Variants in ANK3 observed in about 807,000 individuals in gnomAD.
ANK3 encodes ankyrin 3.
Under a neutral mutation model 370.9 loss-of-function variants are expected in ANK3, and 57 were observed. The ratio of observed to expected loss-of-function variants is 0.15; its 90% confidence interval spans 0.12 to 0.19. The LOEUF (loss-of-function observed/expected upper bound fraction) is 0.19, where lower values mean the gene tolerates loss of function less well. ANK3 is among the 10% of genes least tolerant of loss of function. The pLI is 1.00. For synonymous variants in ANK3, 1,929 were observed against 1,946.3 expected (o/e 0.99, Z 0.23); for missense variants, 4,439 against 5,302.1 (o/e 0.84, Z 5.06).
intron 28 of ANK3, among the ~76,000 whole-genome samples, chr10:60,102,717 T>C (rs1292742559): frequency 1.3e-5 from 2 of 152,228 alleles, no homozygotes; most frequent in Non-Finnish European, 2.9e-5. Flanking sequence ...TTTGCTAAGA[T>C]GATTTTTAAA....
intron 1 of ANK3, among the ~76,000 whole-genome samples, chr10:60,370,837 C>A (rs1028974123): frequency 6.6e-6 from 1 of 152,118 alleles, no homozygotes; most frequent in Non-Finnish European, 1.5e-5. Context: ...AAAACTCAAG[C>A]TAAACATCAA....
chr10:60,335,532 C>T (rs947415292), intron 1 of ANK3, among the ~76,000 whole-genome samples: 1 of 152,076 alleles, frequency 6.6e-6, no homozygotes, highest in Non-Finnish European at 1.5e-5. Context: ...TAAATTGCAG[C>T]CTTTACAAAC....
chr10:60,480,874 AG>A (rs1460863369), intron 2 of ANK3, among the ~76,000 whole-genome samples: 1 of 152,190 alleles, frequency 6.6e-6, no homozygotes, highest in Non-Finnish European at 1.5e-5. Flanking sequence ...TGCTAACAAA[AG>A]TTTTGGATCC....
intron 11 of ANK3, among the ~76,000 whole-genome samples, 191 bp from the exon 12 acceptor site, chr10:60,203,291 T>C (rs530579597): frequency 2.0e-5 from 3 of 152,342 alleles, no homozygotes; most frequent in African/African-American, 7.2e-5. Context: ...ATCGTTTTCC[T>C]AAAGCAAATT....
chr10:60,509,898 A>G (rs971596364), intron 2 of ANK3, among the ~76,000 whole-genome samples: 6 of 152,110 alleles, frequency 3.9e-5, no homozygotes, highest in African/African-American at 1.4e-4. Flanking sequence ...GATAATACAC[A>G]TAACATAACC....
At chr10:60,220,667 C>T (rs1012191904) in intron 8 of ANK3, among the ~76,000 whole-genome samples, 24 of 152,148 alleles carry the variant, frequency 1.6e-4, no homozygotes, top group Admixed American at 1.6e-3. Context: ...CTTCCATTGT[C>T]CTGCCTTTCC....
chr10:60,120,102 GA>G (rs1565139125), intron 25 of ANK3, among the ~76,000 whole-genome samples: 1 of 152,036 alleles, frequency 6.6e-6, no homozygotes, highest in Non-Finnish European at 1.5e-5. Context: ...ATGGTGCTGG[GA>G]AAAAATCAGG....
chr10:60,081,106 G>A (rs903254275), intron 35 of ANK3, among the ~76,000 whole-genome samples: 7 of 152,060 alleles, frequency 4.6e-5, no homozygotes, highest in Admixed American at 3.3e-4. Flanking sequence ...AGGAGGGTAG[G>A]GACGGAGTCT....
At chr10:60,441,687 A>T (rs1007517327) in intron 2 of ANK3, among the ~76,000 whole-genome samples, 1 of 152,186 alleles carries the variant, frequency 6.6e-6, no homozygotes, top group African/African-American at 2.4e-5. Context: ...ATTCCTACTC[A>T]TTTGTTTTGT....
At chr10:60,527,357 C>T (rs535918878) in intron 2 of ANK3, among the ~76,000 whole-genome samples, 26 of 152,200 alleles carry the variant, frequency 1.7e-4, no homozygotes, top group South Asian at 1.0e-3. Context: ...TAACCATACG[C>T]AGGAGAAGTC....
chr10:60,370,509 T>C lies in ANK3; in HGVS notation c.114+18916A>G, dbSNP rs146789884. Among the ~76,000 whole-genome samples, 383 of 152,338 alleles carry C rather than the reference T, an allele frequency of 2.5e-3. 3 individuals are homozygous for C. The highest frequency in any genetic ancestry group is 0.02 in the Middle Eastern group (6 of 294). ...ATTGCTCTCAAAGTAGAAGAATGCA[T>C]TAAAACATGACACTGTTTTGAAGGC... is the stretch of plus-strand genomic sequence containing the variant. On this transcript the variant is annotated intron_variant, in intron 1 of 43. Transcript: ENST00000280772.
chr10:60,522,642 T>C (rs1186412718), intron 2 of ANK3, among the ~76,000 whole-genome samples: 1 of 152,062 alleles, frequency 6.6e-6, no homozygotes, highest in African/African-American at 2.4e-5. Context: ...CTAGGAGGTT[T>C]CTAATCCTAT....
intron 7 of ANK3, among the ~76,000 whole-genome samples, chr10:60,242,651 G>C (rs2097484988): frequency 6.6e-6 from 1 of 152,152 alleles, no homozygotes; most frequent in Non-Finnish European, 1.5e-5. Flanking sequence ...TATCCTTAAT[G>C]AACTTATCTC....
chr10:60,407,970 A>G (rs2063486481), intron 2 of ANK3, among the ~76,000 whole-genome samples: 1 of 150,022 alleles, frequency 6.7e-6, no homozygotes, highest in African/African-American at 2.5e-5. Flanking sequence ...CTCTGCACAC[A>G]GTGGATAACC....
intron 2 of ANK3, among the ~76,000 whole-genome samples, chr10:60,540,746 G>A (rs570936880): frequency 6.6e-6 from 1 of 152,010 alleles, no homozygotes; most frequent in Non-Finnish European, 1.5e-5. Flanking sequence ...ATGTGGAGCT[G>A]ATGAGACCTA....
intron 1 of ANK3, among the ~76,000 whole-genome samples, chr10:60,287,742 C>T (rs968539662): frequency 2.0e-5 from 3 of 152,160 alleles, no homozygotes; most frequent in African/African-American, 7.2e-5. Flanking sequence ...TGCTTGATAG[C>T]AAGCCCAGGC....
chr10:60,122,579 A>G (rs752024356), intron 25 of ANK3, among the ~76,000 whole-genome samples: 3 of 152,200 alleles, frequency 2.0e-5, no homozygotes, highest in Admixed American at 6.5e-5. Context: ...TTAGCAGATT[A>G]CTCAACTTTT....
intron 2 of ANK3, among the ~76,000 whole-genome samples, chr10:60,410,440 G>A (rs527538201): frequency 2.6e-5 from 4 of 152,170 alleles, no homozygotes; most frequent in Non-Finnish European, 5.9e-5. Flanking sequence ...TACTTAATAG[G>A]TGGTTCTCCT....
At chr10:60,043,527 C>T (rs545353945) in intron 42 of ANK3, 19 of 985,302 alleles carry the variant, frequency 1.9e-5, no homozygotes, top group Non-Finnish European at 2.3e-5. Context: ...TTAACTGGCA[C>T]ATTGGAAATG....
Sources: allele counts gnomAD v4.1 joint callset (sites outside exome capture counted in the v4.1 genomes callset), GRCh38; gene constraint gnomAD v4.1.1; transcripts MANE v1.5; gene names NCBI Gene and HGNC (gene_info 2026-07-23, HGNC 2026-07-21).